Variants in SOD2 observed in about 807,000 individuals in gnomAD.
SOD2 encodes the protein superoxide dismutase 2, also known as superoxide dismutase [Mn], mitochondrial.
SOD2 carries 11 observed loss-of-function variants against 27.0 expected under a neutral mutation model. The observed-to-expected ratio is 0.41, with a 90% CI of 0.26 to 0.67. The LOEUF is 0.67. Among genes scored for constraint, SOD2 ranks in the 30% least tolerant of loss-of-function variants. The pLI, the probability that SOD2 is intolerant of heterozygous loss-of-function variation, is 0.34. For missense variants in SOD2, 250 were observed against 274.5 expected, an observed-to-expected ratio of 0.91 and a Z score of 0.63; for synonymous variants, 105 against 103.0, an observed-to-expected ratio of 1.02 and a Z score of -0.12.
intron 1 of SOD2, chr6:159,739,174 T>C: frequency 2.8e-6 from 2 of 719,118 alleles, no homozygotes; most frequent in Non-Finnish European, 4.3e-6. Flanking sequence ...TAATGTACTT[T>C]TTGAGCATAC....
intron 3 of SOD2, among the ~76,000 whole-genome samples, chr6:159,685,904 G>C (rs1246750990): frequency 6.6e-6 from 1 of 152,122 alleles, no homozygotes; most frequent in Non-Finnish European, 1.5e-5. Flanking sequence ...TGTTAGGAAA[G>C]AAATACTACT....
At chr6:159,713,642 A>T in intron 1 of SOD2, 1 of 1,021,142 alleles carries the variant, frequency 9.8e-7, no homozygotes, top group Non-Finnish European at 1.5e-6. Flanking sequence ...AGCCAAATGG[A>T]AGTCCTCTAA....
At chr6:159,756,996 G>A (rs1408552886) in intron 1 of SOD2, among the ~76,000 whole-genome samples, 4 of 152,114 alleles carry the variant, frequency 2.6e-5, no homozygotes, top group Admixed American at 2.6e-4. Context: ...GTTTTAAAAC[G>A]CTGGCCAGCA....
chr6:159,693,613 T>G (rs574389758), upstream of SOD2, among the ~76,000 whole-genome samples: 3 of 152,272 alleles, frequency 2.0e-5, no homozygotes, highest in African/African-American at 7.2e-5. Context: ...CTGGCTGCAC[T>G]AGGCGGCTGC....
In SOD2 at chr6:159,692,839, A is replaced by C. The variant is rs2114794338; in HGVS notation, c.48T>G (p.Val16=). The C allele has an allele frequency of 6.2e-7, 1 of 1,612,486 alleles. No individual in the cohort carries two copies. The highest frequency in any genetic ancestry group is 8.5e-7 in the Non-Finnish European group (1 of 1,179,546). ...VCGTSRQLAP[V]LGYLGSRQKH... ...TCTGCCTGGAGCCCAGATACCCCAA[A>C]ACCGGAGCCAGCTGCCTGCTGGTGC... Residue 16 remains valine (V), a synonymous_variant, in exon 2 of 5, where the codon GTT becomes GTG. Coordinates refer to ENST00000538183, the MANE Select transcript of SOD2 (RefSeq NM_000636.4).
chr6:159,758,136 G>A (rs762220758), intron 1 of SOD2, among the ~76,000 whole-genome samples: 7 of 151,902 alleles, frequency 4.6e-5, no homozygotes, highest in Non-Finnish European at 7.4e-5. Flanking sequence ...CATCTAATTG[G>A]TTTGAATCCT....
intron 3 of SOD2, 51 bp downstream of exon 3, chr6:159,688,075 G>T: frequency 1.0e-6 from 1 of 984,282 alleles, no homozygotes; most frequent in South Asian, 1.3e-5. Flanking sequence ...ATCAACAATC[G>T]ATTCCTACTG....
chr6:159,682,621 C>T lies in SOD2; in HGVS notation c.541G>A (p.Gly181Arg). 6.2e-7 allele frequency: 1 copy of T among 1,612,152 alleles called. No homozygotes were observed. Among genetic ancestry groups the T allele is most frequent in the South Asian group, 1.1e-5 (1 of 90,696 alleles). The stretch of plus-strand genomic sequence containing the variant: ...TAAGCGTGCTCCCACACATCAATCC[C>T]CAGCAGTGGAATAAGGCCTGTTAGA... The part of the protein sequence containing the change: ...QGTTGLIPLL[G>R]IDVWEHAYYL... The change falls in exon 5 of 5, where the codon GGG becomes AGG. Residue 181 changes from glycine to arginine, a missense_variant. Physicochemically the swap from Gly to Arg is moderately radical, Grantham distance 125. Transcript: ENST00000538183.
In SOD2 at chr6:159,670,501, A is replaced by G. The variant is rs1017109061; in HGVS notation, c.*11992T>C. On this transcript the variant is annotated 3_prime_UTR_variant, in exon 5 of 5. Coordinates refer to ENST00000538183, the MANE Select transcript of SOD2 (RefSeq NM_000636.4). ...GGTTGGAGAACTTTGTTTAAAGGAT[A>G]TAAGTTGTGTGCCTTCTGTAAATGA... 10 of 152,238 alleles carry G rather than the reference A, an allele frequency of 6.6e-5. No individual in the cohort carries two copies. Among genetic ancestry groups the G allele is most frequent in the Non-Finnish European group, 1.2e-4 (8 of 68,062 alleles). The allele number at this position is 152,238 out of a possible 1,614,324, so 9.4% of individuals were successfully genotyped here.
At chr6:159,741,578 C>A (rs1435016615) in intron 1 of SOD2, 1 of 152,372 alleles carries the variant, frequency 6.6e-6, no homozygotes, top group Non-Finnish European at 1.5e-5. Context: ...GGGGTTTGAT[C>A]TCACCCAGGG....
Position 159,671,578 on chromosome 6 carries a change from A to C in SOD2, c.*10915T>G, listed in dbSNP as rs1201010258. The C allele has an allele frequency of 6.6e-5, 10 of 152,258 alleles. No homozygotes were observed. Among genetic ancestry groups the C allele is most frequent in the Admixed American group, 6.5e-4 (10 of 15,274 alleles). 9.4% of individuals were successfully genotyped at this position (152,258 alleles called of 1,614,324 possible). The stretch of plus-strand genomic sequence containing the variant: ...AACAAACAGAAAGGACATCCACACC[A>C]AAACCCCATCTGCACATCACCATCA... On this transcript the variant is annotated 3_prime_UTR_variant, in exon 5 of 5. Transcript: ENST00000538183.
intron 1 of SOD2, among the ~76,000 whole-genome samples, chr6:159,721,421 T>G (rs1778038370): frequency 6.6e-6 from 1 of 151,574 alleles, no homozygotes. Flanking sequence ...CAGGCTGGAG[T>G]GCAATGGTGC....
rs2114750192 is a variant in SOD2 at position 159,675,896 on chromosome 6, TTACAAGAAAA to T, written c.*6587_*6596del. ...GAATCTACAAGGAACTCAAACAAAC[TTACAAGAAAA>T]AAACAAACCCCATCAAAAAGTAGGT... On this transcript the variant is annotated 3_prime_UTR_variant, in exon 5 of 5. Coordinates refer to ENST00000538183, the MANE Select transcript of SOD2 (RefSeq NM_000636.4). 6.6e-6 allele frequency: 1 copy of T among 151,916 alleles called. No individual in the cohort carries two copies. The highest frequency in any genetic ancestry group is 2.4e-5 in the African/African-American group (1 of 41,400). The allele number at this position is 151,916 out of a possible 1,614,324, so 9.4% of individuals were successfully genotyped here.
At chr6:159,698,593 AAAAATC>A in intron 1 of SOD2, among the ~76,000 whole-genome samples, 1 of 122,706 alleles carries the variant, frequency 8.1e-6, no homozygotes, top group Non-Finnish European at 1.8e-5. Flanking sequence ...AAAAAAAAAA[AAAAATC>A]CAATAAAACA....
chr6:159,728,514 A>G (rs1434036280), upstream of SOD2, among the ~76,000 whole-genome samples: 2 of 152,222 alleles, frequency 1.3e-5, no homozygotes, highest in Admixed American at 1.3e-4. Context: ...TATTTTATCT[A>G]GTTTTAGTTA....
At chr6:159,709,360 C>G (rs1034668269) in intron 1 of SOD2, among the ~76,000 whole-genome samples, 13 of 152,086 alleles carry the variant, frequency 8.5e-5, no homozygotes, top group African/African-American at 2.7e-4. Flanking sequence ...TTTTTGCAAT[C>G]TACTCATCTG....
chr6:159,711,747 ATTG>A lies in SOD2; in HGVS notation c.-116+15379_-116+15381del, dbSNP rs1562437592. On this transcript the variant is annotated intron_variant, in intron 1 of 2. Coordinates refer to the SOD2 transcript ENST00000401980. ...AACCACCTCCACAACCACCACTCACATTGCTCTGATCACCATAACCACCTCCAT... is the reference window on the plus strand; with the variant it reads ...AACCACCTCCACAACCACCACTCACACTCTGATCACCATAACCACCTCCAT... 8.1e-3 allele frequency among the ~76,000 whole-genome samples: 790 copies of A among 98,056 alleles called. 24 individuals carry two copies. Among genetic ancestry groups the A allele is most frequent in the African/African-American group, 9.2e-3 (226 of 24,476 alleles). 64.3% of individuals were successfully genotyped at this position (98,056 alleles called of 152,430 possible). A position where few individuals can be genotyped will look rare whatever the true frequency, so the allele number is the denominator to read the frequency against.
At chr6:159,725,637 CAA>C (rs923871223) in intron 1 of SOD2, 4 of 151,752 alleles carry the variant, frequency 2.6e-5, no homozygotes, top group Non-Finnish European at 4.4e-5. Flanking sequence ...ACTAAAAGTT[CAA>C]AGACAGAGAA....
chr6:159,690,061 A>T (rs1023555384), intron 2 of SOD2, among the ~76,000 whole-genome samples: 1 of 151,852 alleles, frequency 6.6e-6, no homozygotes, highest in Admixed American at 6.6e-5. Context: ...AGATGGGCGG[A>T]TCACTTGAGG....
Sources: allele counts gnomAD v4.1 joint callset (sites outside exome capture counted in the v4.1 genomes callset), GRCh38; gene constraint gnomAD v4.1.1; transcripts MANE v1.5; gene names NCBI Gene and HGNC (gene_info 2026-07-23, HGNC 2026-07-21).